The following WWP2 variants were observed in gnomAD, a reference collection of about 807,000 sequenced individuals.
WWP2 encodes NEDD4-like E3 ubiquitin-protein ligase WWP2.
In WWP2, 57 loss-of-function variants were observed where a neutral mutation model predicts 121.0. The observed-to-expected ratio is 0.47, with a 90% CI of 0.38 to 0.59. WWP2 has a LOEUF of 0.59. Among genes scored for constraint, WWP2 ranks in the 20% least tolerant of loss-of-function variants. WWP2 has a pLI of 0.00. For synonymous variants in WWP2, 449 were observed against 441.3 expected (o/e 1.02, Z -0.22); for missense variants, 962 against 1,158.9 (o/e 0.83, Z 2.47).
intron 8 of WWP2, among the ~76,000 whole-genome samples, chr16:69,904,829 C>G (rs189622373): frequency 2.0e-5 from 3 of 152,068 alleles, no homozygotes; most frequent in African/African-American, 4.8e-5. Context: ...CAAGAATGCC[C>G]GGGAGAGAAA....
At chr16:69,858,525 C>T (rs533394916) in intron 6 of WWP2, among the ~76,000 whole-genome samples, 1 of 152,230 alleles carries the variant, frequency 6.6e-6, no homozygotes, top group South Asian at 2.1e-4. Flanking sequence ...CCCTTTATCA[C>T]AGCCGCCTTG....
At chr16:69,810,100 C>G (rs1287679513) in intron 4 of WWP2, among the ~76,000 whole-genome samples, 1 of 152,204 alleles carries the variant, frequency 6.6e-6, no homozygotes, top group Non-Finnish European at 1.5e-5. Context: ...GATGGTTGCC[C>G]TAACTGACAT....
At chr16:69,790,814 G>C (rs1292551074) in intron 2 of WWP2, among the ~76,000 whole-genome samples, 1 of 152,082 alleles carries the variant, frequency 6.6e-6, no homozygotes, top group African/African-American at 2.4e-5. Flanking sequence ...GACCTCAAGT[G>C]ATCCGCCTGC....
intron 8 of WWP2, chr16:69,895,174 G>C (rs1262469809): frequency 1.3e-5 from 2 of 152,180 alleles, no homozygotes; most frequent in African/African-American, 2.4e-5. Context: ...ATGTTTGTTT[G>C]TGGGGACACT....
intron 8 of WWP2, among the ~76,000 whole-genome samples, chr16:69,902,558 G>A (rs1417188802): frequency 6.6e-6 from 1 of 152,196 alleles, no homozygotes. Context: ...CTGTTCCTGA[G>A]AGCATCAACG....
chr16:69,931,181 A>G lies in WWP2; in HGVS notation c.1475A>G (p.Asp492Gly). ...GTKQGSPGAYDRSFRWKYHQF... is the reference protein window; with the variant it reads ...GTKQGSPGAYGRSFRWKYHQF... ...AAGCAAGGTTCCCCTGGTGCTTATG[A>G]CCGCAGTTTTCGGTGGAAGTATCAC... The change falls in exon 14 of 24, where the codon GAC (aspartate) becomes GGC (glycine). Residue 492 changes from aspartate (D) to glycine (G), a missense_variant. Physicochemically the swap from Asp to Gly is moderately conservative, Grantham distance 94. Coordinates refer to ENST00000359154, the MANE Select transcript of WWP2 (RefSeq NM_001270454.2). The G allele has an allele frequency of 1.9e-6, 3 of 1,614,092 alleles. No individual in the cohort carries two copies. Among genetic ancestry groups the G allele is most frequent in the Non-Finnish European group, 1.7e-6 (2 of 1,179,992 alleles).
chr16:69,874,417 G>A (rs1178366921), intron 7 of WWP2, among the ~76,000 whole-genome samples: 1 of 152,180 alleles, frequency 6.6e-6, no homozygotes, highest in East Asian at 1.9e-4. Flanking sequence ...TCCTGGAAGA[G>A]TTTCCACAGA....
chr16:69,851,140 A>T (rs2057203551), intron 6 of WWP2, among the ~76,000 whole-genome samples: 1 of 150,840 alleles, frequency 6.6e-6, no homozygotes, highest in African/African-American at 2.4e-5. Context: ...CCTCCTGAGT[A>T]GCTGGGATTA....
In WWP2 at chr16:69,810,757, C is replaced by CTT. The variant is rs769856069; in HGVS notation, c.340+11476_340+11477dup. Among the ~76,000 whole-genome samples, 108 of 117,258 alleles carry CTT rather than the reference C, an allele frequency of 9.2e-4. 2 individuals carry two copies. The highest frequency in any genetic ancestry group is 1.3e-3 in the African/African-American group (43 of 31,904). The allele number at this position is 117,258 out of a possible 152,430, so 76.9% of individuals were successfully genotyped here. A position where few individuals can be genotyped will look rare whatever the true frequency, so the allele number is the denominator to read the frequency against. ...AACATCTTTTTACTAGAGGAATTTT[C>CTT]TTTTTTTTTTTTTTTGAGACGGAGT... On this transcript the variant is annotated intron_variant, in intron 4 of 23. Transcript: ENST00000359154.
At position 69,845,622 on chromosome 16, in the gene WWP2, G is replaced by A. The variant is rs150346264; in HGVS notation, c.575+3502G>A. Among the ~76,000 whole-genome samples the A allele has an allele frequency of 3.3e-5, 5 of 152,132 alleles. No individual in the cohort carries two copies. In the East Asian group the frequency reaches 7.8e-4, roughly 24 times the overall value. ...CTTCTTTCCTCTGCTTGGTAAAGCT[G>A]TAGAACTGGAACTGTGAAAGGGTTT... On this transcript the variant is annotated intron_variant, in intron 6 of 23. Coordinates refer to ENST00000359154, the MANE Select transcript of WWP2 (RefSeq NM_001270454.2).
At chr16:69,769,927 T>C (rs1024034990) in intron 1 of WWP2, among the ~76,000 whole-genome samples, 3 of 148,038 alleles carry the variant, frequency 2.0e-5, no homozygotes, top group African/African-American at 7.5e-5. Context: ...CAGGCTAGAG[T>C]GCAATGGCAT....
intron 22 of WWP2, 52 bp downstream of exon 22, chr16:69,939,175 G>C: frequency 6.4e-7 from 1 of 1,567,314 alleles, no homozygotes; most frequent in Non-Finnish European, 8.7e-7. Flanking sequence ...GGACAGCTCA[G>C]AGGGAGGGGG....
intron 1 of WWP2, among the ~76,000 whole-genome samples, chr16:69,762,937 TCTTGCTTCCCTCGCGC>T (rs1848283691): frequency 6.6e-6 from 1 of 152,156 alleles, no homozygotes; most frequent in Admixed American, 6.6e-5. Flanking sequence ...ATCTTGATCG[TCTTGCTTCCCTCGCGC>T]CCACTTAGTC....
At chr16:69,921,033 C>T (rs1026475562) in intron 10 of WWP2, among the ~76,000 whole-genome samples, 1 of 152,104 alleles carries the variant, frequency 6.6e-6, no homozygotes, top group Non-Finnish European at 1.5e-5. Flanking sequence ...AAATTAAACA[C>T]TAAAAAATTC....
At chr16:69,843,648 G>A (rs916452882) in intron 6 of WWP2, among the ~76,000 whole-genome samples, 2 of 152,030 alleles carry the variant, frequency 1.3e-5, no homozygotes, top group African/African-American at 2.4e-5. Context: ...TGGGAGGATC[G>A]CTTGAGGCCA....
chr16:69,831,129 G>A (rs1597017932), intron 4 of WWP2, among the ~76,000 whole-genome samples: 1 of 152,024 alleles, frequency 6.6e-6, no homozygotes, highest in South Asian at 2.1e-4. Flanking sequence ...CATCTTCATC[G>A]GGCTTCAGAG....
intron 4 of WWP2, among the ~76,000 whole-genome samples, chr16:69,834,496 T>A (rs28564377): frequency 1.3e-5 from 2 of 151,146 alleles, no homozygotes; most frequent in South Asian, 4.2e-4. Context: ...CCTTCTTTTT[T>A]AAATTTTTTT....
At chr16:69,837,959 A>C (rs1248515260) in intron 4 of WWP2, among the ~76,000 whole-genome samples, 1 of 151,962 alleles carries the variant, frequency 6.6e-6, no homozygotes, top group East Asian at 1.9e-4. Context: ...GCGGTGGCTC[A>C]CTCCTGTAAT....
At chr16:69,893,398 T>C (rs2058060214) in intron 8 of WWP2, among the ~76,000 whole-genome samples, 1 of 152,144 alleles carries the variant, frequency 6.6e-6, no homozygotes, top group African/African-American at 2.4e-5. Flanking sequence ...CCTAGATGAA[T>C]GTTTTTTGCC....
Sources: gnomAD v4.1 joint callset for allele counts (sites outside exome capture counted in the v4.1 genomes callset) on GRCh38, gnomAD v4.1.1 for gene constraint, MANE v1.5 for transcripts, NCBI Gene and HGNC (gene_info 2026-07-23, HGNC 2026-07-21) for gene names.